Variants in DOCK4 observed in about 807,000 individuals in gnomAD.
DOCK4 encodes dedicator of cytokinesis 4, also known as dedicator of cytokinesis protein 4.
Under a neutral mutation model 268.1 loss-of-function variants are expected in DOCK4, and 97 were observed. The ratio of observed to expected loss-of-function variants is 0.36; its 90% CI spans 0.31 to 0.43. The LOEUF (loss-of-function observed/expected upper bound fraction) is 0.43, where lower values mean the gene tolerates loss of function less well. Ranked by LOEUF, DOCK4 falls within the 20% of genes least tolerant of loss-of-function variation. The pLI is 1.00. For synonymous variants in DOCK4, 954 were observed against 887.2 expected (o/e 1.08, Z -1.34); for missense variants, 2,145 against 2,455.7 (o/e 0.87, Z 2.67).
intron 32 of DOCK4, 105 bp from the exon 33 acceptor site, chr7:111,784,228 A>C: frequency 3.6e-4 from 462 of 1,280,850 alleles, no homozygotes; most frequent in Non-Finnish European, 4.6e-4. Flanking sequence ...CAAGCATCTC[A>C]CAGCTCAAAG....
intron 35 of DOCK4, among the ~76,000 whole-genome samples, chr7:111,778,718 G>A (rs994714120): frequency 3.9e-5 from 6 of 152,036 alleles, no homozygotes; most frequent in Non-Finnish European, 7.4e-5. Context: ...GATACTCAAA[G>A]GACAGTTTCT....
In DOCK4 at chr7:112,206,288, G is replaced by T; in HGVS notation, c.-150C>A. On this transcript the variant is annotated 5_prime_UTR_variant, in exon 1 of 53. Coordinates refer to ENST00000428084, the MANE Select transcript of DOCK4 (RefSeq NM_001363540.2). ...GCGCTGGGCAGGATCTGCGCTGGAG[G>T]CTCCCGAGCCCAGCGTTGACACTGC... The T allele has an allele frequency of 1.2e-6, 1 of 827,274 alleles. No homozygotes were observed. Among genetic ancestry groups the T allele is most frequent in the Non-Finnish European group, 1.9e-6 (1 of 533,706 alleles). The allele number at this position is 827,274 out of a possible 1,614,324, so 51.2% of individuals were successfully genotyped here. A position where few individuals can be genotyped will look rare whatever the true frequency, so the allele number is the denominator to read the frequency against.
intron 1 of DOCK4, among the ~76,000 whole-genome samples, chr7:112,026,987 C>T (rs1390177555): frequency 3.9e-5 from 6 of 152,124 alleles, no homozygotes; most frequent in African/African-American, 1.2e-4. Flanking sequence ...AAATGTTGCT[C>T]GGCTGGGCCA....
chr7:111,960,357 C>T (rs1796772470), intron 8 of DOCK4, among the ~76,000 whole-genome samples: 1 of 141,670 alleles, frequency 7.1e-6, no homozygotes. Flanking sequence ...GAGCGAGGCT[C>T]TGTCTTAAAA....
intron 39 of DOCK4, among the ~76,000 whole-genome samples, chr7:111,761,878 A>G (rs1402499044): frequency 1.3e-5 from 2 of 152,234 alleles, no homozygotes; most frequent in Non-Finnish European, 2.9e-5. Flanking sequence ...GATAAAAGTT[A>G]CAATTTCTGA....
At chr7:111,925,628 C>T (rs1793544399) in intron 12 of DOCK4, among the ~76,000 whole-genome samples, 1 of 152,188 alleles carries the variant, frequency 6.6e-6, no homozygotes, top group African/African-American at 2.4e-5. Context: ...AGCCTAGTTA[C>T]TCAAAGCCTC....
At chr7:111,809,258 T>G (rs1427242879) in intron 29 of DOCK4, 43 bp downstream of exon 29, 2 of 1,428,420 alleles carry the variant, frequency 1.4e-6, no homozygotes, top group African/African-American at 2.8e-5. Context: ...TAAATACTCT[T>G]TAAGAGGCAA....
At chr7:111,874,456 A>C (rs1454977241) in intron 17 of DOCK4, among the ~76,000 whole-genome samples, 4 of 152,158 alleles carry the variant, frequency 2.6e-5, no homozygotes, top group African/African-American at 9.7e-5. Flanking sequence ...CCCTGCAAGA[A>C]GGCTGATGAA....
At chr7:111,961,147 C>T (rs1196293482) in intron 8 of DOCK4, among the ~76,000 whole-genome samples, 3 of 152,180 alleles carry the variant, frequency 2.0e-5, no homozygotes, top group African/African-American at 7.2e-5. Context: ...CTCTCTTTTG[C>T]TCTCCAATGG....
intron 31 of DOCK4, chr7:111,789,028 C>A: frequency 2.3e-6 from 1 of 439,036 alleles, no homozygotes; most frequent in Admixed American, 3.6e-5. Flanking sequence ...CCAGTTTAAA[C>A]GTTTGAATTC....
At chr7:112,077,044 A>G (rs542722425) in intron 1 of DOCK4, among the ~76,000 whole-genome samples, 1 of 152,228 alleles carries the variant, frequency 6.6e-6, no homozygotes, top group East Asian at 1.9e-4. Flanking sequence ...TCAAAATGGG[A>G]AACAGGGAGA....
At position 112,204,133 on chromosome 7, in the gene DOCK4, G is replaced by A. The variant is rs374117022; in HGVS notation, c.37+1969C>T. Among the ~76,000 whole-genome samples, 14 of 152,146 alleles carry A rather than the reference G, an allele frequency of 9.2e-5. 1 individual carries two copies. In the East Asian group the frequency reaches 1.9e-3, roughly 21 times the overall value. On this transcript the variant is annotated intron_variant, in intron 1 of 52. Coordinates refer to ENST00000428084, the MANE Select transcript of DOCK4 (RefSeq NM_001363540.2). ...GTGTCTGCTGCAGCCCAAAACATTT[G>A]ACTGATAATATCCGGTTTGCCATTC...
intron 1 of DOCK4, among the ~76,000 whole-genome samples, chr7:112,032,110 A>G (rs999159805): frequency 1.3e-5 from 2 of 152,222 alleles, no homozygotes; most frequent in Non-Finnish European, 2.9e-5. Context: ...AGTAGGTCAT[A>G]GCAAGCTTAG....
At chr7:111,814,086 T>C (rs1268322314) in intron 27 of DOCK4, among the ~76,000 whole-genome samples, 2 of 152,316 alleles carry the variant, frequency 1.3e-5, no homozygotes, top group Non-Finnish European at 1.5e-5. Flanking sequence ...ACAATACCTC[T>C]GGTGTTAGTG....
At chr7:112,062,234 C>T (rs959859562) in intron 1 of DOCK4, among the ~76,000 whole-genome samples, 3 of 152,094 alleles carry the variant, frequency 2.0e-5, no homozygotes, top group Admixed American at 2.0e-4. Flanking sequence ...TCCCACCAAC[C>T]TCAATATTTT....
intron 8 of DOCK4, among the ~76,000 whole-genome samples, chr7:111,956,073 A>C (rs1229710451): frequency 6.6e-6 from 1 of 152,216 alleles, no homozygotes; most frequent in African/African-American, 2.4e-5. Context: ...GAAAGCCTCT[A>C]TGTAGGCAGA....
intron 21 of DOCK4, among the ~76,000 whole-genome samples, chr7:111,868,710 A>T (rs1295946585): frequency 2.5e-4 from 32 of 126,776 alleles, no homozygotes; most frequent in Admixed American, 2.0e-3. Flanking sequence ...AATTCCGTCT[A>T]AAAAAAAAAT....
rs1325309659 is a variant in DOCK4 at position 111,976,162 on chromosome 7, AT to A, written c.701+969del. Among the ~76,000 whole-genome samples the A allele has an allele frequency of 4.8e-4, 30 of 62,814 alleles. 2 individuals are homozygous for A. Among genetic ancestry groups the A allele is most frequent in the African/African-American group, 2.4e-3 (24 of 10,062 alleles). 41.2% of individuals were successfully genotyped at this position (62,814 alleles called of 152,430 possible). On this transcript the variant is annotated intron_variant, in intron 8 of 52. Coordinates refer to ENST00000428084, the MANE Select transcript of DOCK4 (RefSeq NM_001363540.2). ...TCTCAAAAAAAAAAAAAAAAAAAAA[AT>A]ATATATATATATATACACACACACA...
intron 30 of DOCK4, among the ~76,000 whole-genome samples, chr7:111,806,756 G>C (rs1230439797): frequency 6.6e-6 from 1 of 152,194 alleles, no homozygotes; most frequent in Non-Finnish European, 1.5e-5. Context: ...GTCTAAGGTG[G>C]AGTGAGAGAT....
Sources: allele counts gnomAD v4.1 joint callset (sites outside exome capture counted in the v4.1 genomes callset), GRCh38; gene constraint gnomAD v4.1.1; transcripts MANE v1.5; gene names NCBI Gene and HGNC (gene_info 2026-07-23, HGNC 2026-07-21).